DDC: variants seen among roughly 807,000 people sequenced by gnomAD.
DDC encodes dopa decarboxylase.
In DDC, 43 loss-of-function variants were observed where a neutral mutation model predicts 60.0. The ratio of observed to expected loss-of-function variants is 0.72; its 90% confidence interval spans 0.56 to 0.92. DDC has a LOEUF of 0.92. Ranked by LOEUF, DDC falls within the 40% of genes least tolerant of loss-of-function variation. The pLI, the probability that DDC is intolerant of heterozygous loss-of-function variation, is 0.00. For missense variants in DDC, 573 were observed against 620.2 expected, an observed-to-expected ratio of 0.92 and a Z score of 0.81; for synonymous variants, 232 against 234.6, an observed-to-expected ratio of 0.99 and a Z score of 0.10.
chr7:50,518,858 G>A (rs1426551728), intron 6 of DDC, among the ~76,000 whole-genome samples: 2 of 152,320 alleles, frequency 1.3e-5, no homozygotes, highest in African/African-American at 2.4e-5. Context: ...GAACCCAAAA[G>A]CAAATGCAAT....
chr7:50,544,086 G>T lies in DDC; in HGVS notation c.-1C>A. The T allele has an allele frequency of 6.2e-7, 1 of 1,613,996 alleles. No individual in the cohort carries two copies. Among genetic ancestry groups the T allele is most frequent in the Non-Finnish European group, 8.5e-7 (1 of 1,179,906 alleles). ...TCCTTCGGAATTCACTTGCGTTCAT[G>T]GTGTCTGGGCTCTGTCAGAGGTGAA... On this transcript the variant is annotated 5_prime_UTR_variant, in exon 2 of 15. Transcript: ENST00000444124.
At chr7:50,468,242 A>G (rs1383334167) in intron 12 of DDC, among the ~76,000 whole-genome samples, 1 of 152,232 alleles carries the variant, frequency 6.6e-6, no homozygotes, top group Non-Finnish European at 1.5e-5. Context: ...GGCGATCCCG[A>G]AAGCCGGTTC....
intron 7 of DDC, among the ~76,000 whole-genome samples, chr7:50,500,516 C>T (rs1385157068): frequency 1.3e-5 from 2 of 152,168 alleles, no homozygotes; most frequent in South Asian, 2.1e-4. Context: ...CATGGACATC[C>T]CATGATTACT....
chr7:50,538,237 C>T (rs1247455977), intron 3 of DDC, among the ~76,000 whole-genome samples: 1 of 152,156 alleles, frequency 6.6e-6, no homozygotes, highest in Non-Finnish European at 1.5e-5. Flanking sequence ...CTAGGATATT[C>T]ATTTGTTCAC....
intron 1 of DDC, among the ~76,000 whole-genome samples, chr7:50,560,023 T>G (rs2045304845): frequency 6.6e-6 from 1 of 152,208 alleles, no homozygotes; most frequent in Non-Finnish European, 1.5e-5. Context: ...GGCTTGATTT[T>G]GTTTCCTTCA....
At position 50,467,529 on chromosome 7, in the gene DDC, C is replaced by T. The variant is rs142777236; in HGVS notation, c.1141-214G>A. ...GCACAGGTCTAGTGTCCTCAGAACA[C>T]CAATTGTCATTTTCTTCTGTTCATG... On this transcript the variant is annotated intron_variant, in intron 12 of 14. Transcript: ENST00000444124. 1.5e-4 allele frequency among the ~76,000 whole-genome samples: 23 copies of T among 152,346 alleles called. 1 individual carries two copies. In the East Asian group the frequency reaches 2.7e-3, roughly 18 times the overall value.
chr7:50,459,118 G>T (rs2042189654), intron 14 of DDC, among the ~76,000 whole-genome samples: 1 of 152,214 alleles, frequency 6.6e-6, no homozygotes. Context: ...CACCACGCCT[G>T]ACTGGTTTTC....
At chr7:50,547,005 T>C (rs530305700) in intron 1 of DDC, among the ~76,000 whole-genome samples, 27 of 152,308 alleles carry the variant, frequency 1.8e-4, no homozygotes, top group Admixed American at 6.5e-4. Context: ...GCTTTGAAAT[T>C]AGTTTTTAGT....
chr7:50,463,105 G>A, intron 14 of DDC, 108 bp downstream of exon 14: 1 of 861,030 alleles, frequency 1.2e-6, no homozygotes, highest in Non-Finnish European at 1.9e-6. Flanking sequence ...AATGCACTCT[G>A]GCAGCATTGA....
chr7:50,538,127 GACCTAGA>G, intron 3 of DDC, 148 bp from the exon 4 acceptor site: 2 of 986,100 alleles, frequency 2.0e-6, no homozygotes, highest in East Asian at 5.2e-5. Context: ...AAGGCTGTTT[GACCTAGA>G]ATCATGCAAG....
chr7:50,536,208 A>G (rs1352507175), intron 4 of DDC, among the ~76,000 whole-genome samples: 2 of 152,188 alleles, frequency 1.3e-5, no homozygotes, highest in African/African-American at 4.8e-5. Flanking sequence ...CTAATCAGAA[A>G]CTCAAAAGAA....
chr7:50,504,910 G>A (rs919800567), intron 6 of DDC, among the ~76,000 whole-genome samples: 13 of 152,186 alleles, frequency 8.5e-5, no homozygotes, highest in African/African-American at 2.9e-4. Context: ...GCTTTAATCC[G>A]CTGCCTTTCT....
chr7:50,467,819 G>A (rs1298837661), intron 12 of DDC, among the ~76,000 whole-genome samples: 2 of 152,192 alleles, frequency 1.3e-5, no homozygotes, highest in Admixed American at 1.3e-4. Context: ...CCTTGGCTGA[G>A]CTAGGATTCT....
intron 6 of DDC, among the ~76,000 whole-genome samples, chr7:50,512,775 G>A (rs1371191302): frequency 6.6e-6 from 1 of 152,146 alleles, no homozygotes; most frequent in Non-Finnish European, 1.5e-5. Flanking sequence ...GGGATAAAAA[G>A]GGCCAGTGCC....
chr7:50,558,056 A>C (rs549516822), intron 1 of DDC, among the ~76,000 whole-genome samples: 1 of 150,382 alleles, frequency 6.6e-6, no homozygotes, highest in East Asian at 2.0e-4. Flanking sequence ...GAGTTATGTC[A>C]GAAGAAACTT....
chr7:50,510,472 C>G (rs2153541854), intron 6 of DDC, among the ~76,000 whole-genome samples: 1 of 150,954 alleles, frequency 6.6e-6, no homozygotes, highest in East Asian at 2.0e-4. Flanking sequence ...AGTTTAAGAC[C>G]AGTCTGACCA....
In DDC at chr7:50,466,740, A is replaced by G. The variant is rs143110845; in HGVS notation, c.1242+474T>C. Among the ~76,000 whole-genome samples, 291 of 152,304 alleles carry G rather than the reference A, an allele frequency of 1.9e-3. 1 individual carries two copies. Among genetic ancestry groups the G allele is most frequent in the African/African-American group, 6.7e-3 (280 of 41,568 alleles). ...AACAGCACGCCACAACACAGTGTCA[A>G]ACAGACTCCTGTGTGGGCATCTTGT... On this transcript the variant is annotated intron_variant, in intron 13 of 14. Transcript: ENST00000444124.
At chr7:50,561,896 T>C (rs895882357) in intron 1 of DDC, among the ~76,000 whole-genome samples, 1 of 151,434 alleles carries the variant, frequency 6.6e-6, no homozygotes, top group African/African-American at 2.4e-5. Flanking sequence ...TGCACACACA[T>C]ACACAAGCAT....
rs376801218 is a variant in DDC, at chr7:50,528,348, CG to C, written c.571-69del. The C allele has an allele frequency of 8.4e-5, 134 of 1,600,430 alleles. 1 individual carries two copies. The Middle Eastern group carries it at 1.4e-3, about 17-fold the overall frequency. On this transcript the variant is annotated intron_variant, in intron 5 of 14. Transcript: ENST00000444124. Reference sequence around the variant, plus strand: ...ATGCAGTTATTACCAGGCCCTGGATCGGCAGAGAGCAGCCAACATTGCAAAC... The same window carrying C: ...ATGCAGTTATTACCAGGCCCTGGATCGCAGAGAGCAGCCAACATTGCAAAC...
Sources: gnomAD v4.1 joint callset for allele counts (sites outside exome capture counted in the v4.1 genomes callset) on GRCh38, gnomAD v4.1.1 for gene constraint, MANE v1.5 for transcripts, NCBI Gene and HGNC (gene_info 2026-07-23, HGNC 2026-07-21) for gene names.